MYH7B: variants seen among roughly 807,000 people sequenced by gnomAD.
The protein encoded by MYH7B is myosin-7B.
MYH7B carries 205 observed loss-of-function variants against 234.5 expected under a neutral mutation model. The observed-to-expected ratio is 0.87, with a 90% CI of 0.78 to 0.98. The LOEUF is 0.98. Ranked by LOEUF, MYH7B falls within the 50% of genes least tolerant of loss-of-function variation. MYH7B has a pLI of 0.00. For synonymous variants in MYH7B, 1,193 were observed against 1,105.0 expected (o/e 1.08, Z -1.58); for missense variants, 2,652 against 2,633.4 (o/e 1.01, Z -0.15).
At position 35,001,109 on chromosome 20, in the gene MYH7B, A is replaced by G. The variant is rs750264864; in HGVS notation, c.5426A>G (p.Gln1809Arg). 5.0e-6 allele frequency: 8 copies of G among 1,613,720 alleles called. No homozygotes were observed. The South Asian group carries it at 8.8e-5, about 18-fold the overall frequency. Residue 1809 changes from glutamine (Q) to arginine (R), a missense_variant, in exon 41 of 45, where the codon CAG becomes CGG. Physicochemically the swap from Gln to Arg is conservative, Grantham distance 43. Transcript: ENST00000262873. ...CAGGCCCGCCTTGAGGAGGCAGAAC[A>G]GGCCGCCCTCCGTGGCGGGAAGAAG...
intron 2 of MYH7B, among the ~76,000 whole-genome samples, chr20:34,964,204 A>G (rs1424001428): frequency 6.6e-6 from 1 of 151,914 alleles, no homozygotes; most frequent in Non-Finnish European, 1.5e-5. Flanking sequence ...AATTGCCCTC[A>G]TTCTGCATCC....
Position 34,993,389 on chromosome 20 carries a change from T to C in MYH7B, c.2363T>C (p.Leu788Pro), listed in dbSNP as rs369986434. 187 of 1,613,518 alleles carry C rather than the reference T, an allele frequency of 1.2e-4. No individual in the cohort carries two copies. The highest frequency in any genetic ancestry group is 1.4e-4 in the Non-Finnish European group (168 of 1,179,986). The change falls in exon 26 of 45, where the codon CTG becomes CCG. Residue 788 changes from leucine to proline, a missense_variant. Transcript: ENST00000262873. ...CTGGAAGAGCTCCGTGACCAGCGCCTGGCCAAGGTGCTGACGCTGCTGCAG... is the reference window on the plus strand; with the variant it reads ...CTGGAAGAGCTCCGTGACCAGCGCCCGGCCAAGGTGCTGACGCTGCTGCAG...
rs923807857 is a variant in MYH7B at position 34,962,083 on chromosome 20, C to A, written c.-222+3871C>A. Among the ~76,000 whole-genome samples the A allele has an allele frequency of 4.6e-5, 7 of 152,202 alleles. No individual in the cohort carries two copies. In the South Asian group the frequency reaches 1.2e-3, roughly 27 times the overall value. On this transcript the variant is annotated intron_variant, in intron 2 of 44. Transcript: ENST00000262873. Reference sequence around the variant, plus strand: ...TCTACAAAAAAATTTAAAAATTAGCCGGGCGTGGTGGCATGCGCCTGTCAT... The same window carrying A: ...TCTACAAAAAAATTTAAAAATTAGCAGGGCGTGGTGGCATGCGCCTGTCAT...
chr20:34,982,377 C>A, intron 9 of MYH7B, 82 bp from the exon 10 acceptor site: 1 of 1,191,652 alleles, frequency 8.4e-7, no homozygotes, highest in Non-Finnish European at 1.2e-6. Flanking sequence ...AGGTGGAGGG[C>A]TCTGCTTGAG....
At chr20:34,997,745 G>A in intron 32 of MYH7B, 105 bp downstream of exon 32, 3 of 1,392,822 alleles carry the variant, frequency 2.2e-6, no homozygotes, top group East Asian at 2.5e-5. Flanking sequence ...ACCTTATCCT[G>A]AGCCCTGACC....
chr20:34,962,731 G>A (rs1352584421), intron 2 of MYH7B, among the ~76,000 whole-genome samples: 1 of 152,164 alleles, frequency 6.6e-6, no homozygotes, highest in Non-Finnish European at 1.5e-5. Flanking sequence ...CGGTTCAAGG[G>A]ATCCTCCTGT....
exon 10 of MYH7B, chr20:34,982,488 A>G (rs2081955199): frequency 6.2e-7 from 1 of 1,613,852 alleles, no homozygotes; most frequent in African/African-American, 1.3e-5. Flanking sequence ...AAGACGGTTA[A>G]CACCAAGCGG....
chr20:35,000,285 T>A lies in MYH7B; in HGVS notation c.4782-8T>A. 1.3e-6 allele frequency: 2 copies of A among 1,559,630 alleles called. No homozygotes were observed. Among genetic ancestry groups the A allele is most frequent in the Non-Finnish European group, 1.7e-6 (2 of 1,160,080 alleles). ...GAGACCCCCTTTCATGCCACCCTCC[T>A]CCCATAGGCGCAACCACCAGCGAGC... On this transcript the variant is annotated splice_polypyrimidine_tract_variant and splice_region_variant and intron_variant, in intron 38 of 44. Coordinates refer to ENST00000262873, the Ensembl canonical transcript of MYH7B.
chr20:34,984,543 C>T (rs1370944973), intron 10 of MYH7B, 149 bp from the exon 11 acceptor site: 38 of 706,160 alleles, frequency 5.4e-5, no homozygotes, highest in Admixed American at 5.7e-5. Flanking sequence ...AGGGTCAGGC[C>T]GAGGGGCTGA....
exon 32 of MYH7B, chr20:34,997,439 G>A (rs1802528448): frequency 2.7e-6 from 4 of 1,473,876 alleles, no homozygotes; most frequent in Non-Finnish European, 3.6e-6. Context: ...GGAGGCTGCG[G>A]CGGGAGCTGG....
rs768728148 is a variant in MYH7B at position 34,998,911 on chromosome 20, G to A, written c.4186G>A (p.Ala1396Thr). 6.4e-5 allele frequency: 103 copies of A among 1,611,326 alleles called. No individual in the cohort carries two copies. Among genetic ancestry groups the A allele is most frequent in the Admixed American group, 8.3e-5 (5 of 59,938 alleles). The change falls in exon 35 of 45, where the codon GCC becomes ACC. Residue 1396 changes from alanine (A) to threonine (T), a missense_variant. Around this residue, in one of 3 missense-constraint regions of MYH7B, gnomAD observed 2,279 missense variants for 2,211.4 expected, o/e 1.03. Transcript: ENST00000262873. ...CCAGAGGACCGAGGAGCTGGAGGAG[G>A]CCAAGTGAGTGCTTTGCTGGCCAGG... is the stretch of plus-strand genomic sequence containing the variant.
In MYH7B at chr20:34,985,039, GGCTGAGGGCTGCC is replaced by G. The variant is rs767074698; in HGVS notation, c.742-26_742-14del. The G allele has an allele frequency of 5.6e-6, 9 of 1,613,854 alleles. No homozygotes were observed. The Admixed American group carries it at 1.5e-4, about 27-fold the overall frequency. ...GGGGACAGTGCTGGCTGTGCCCCTT[GGCTGAGGGCTGCC>G]CCTCTGCCCACAGGGCAAGTTCATC... On this transcript the variant is annotated splice_polypyrimidine_tract_variant and intron_variant, in intron 12 of 44. Transcript: ENST00000262873.
Position 34,990,875 on chromosome 20 carries a change from G to C in MYH7B, c.2065+50G>C. ...TGGGGCCGGGAGGCATCATGGGAAG[G>C]TGACAGGGCAGAGGCCGGGAGGCTG... On this transcript the variant is annotated intron_variant, in intron 23 of 44. Coordinates refer to ENST00000262873, the Ensembl canonical transcript of MYH7B. 3.1e-6 allele frequency: 5 copies of C among 1,605,288 alleles called. No individual in the cohort carries two copies. The South Asian group carries it at 5.5e-5, about 18-fold the overall frequency.
chr20:34,995,552 AAGG>A, exon 28 of MYH7B: 2 of 1,614,016 alleles, frequency 1.2e-6, no homozygotes, highest in Non-Finnish European at 8.5e-7. Context: ...CAAAGCTGAG[AAGG>A]AGAAGCAAGC....
rs770106361 is a variant in MYH7B at position 34,990,089 on chromosome 20, A to C, written c.1843A>C (p.Lys615Gln). The change falls in exon 21 of 45, where the codon AAG becomes CAG. Residue 615 changes from lysine (K) to glutamine (Q), a missense_variant. This residue lies in a region of MYH7B where 2,279 missense variants were observed against 2,211.4 expected (regional missense o/e 1.03). Coordinates refer to ENST00000262873, the Ensembl canonical transcript of MYH7B. ...TGAGACCGTGGTCCCCATCTTCCAG[A>C]AGTCACAGAATAGGCTCCTGGCGAC... 3.7e-6 allele frequency: 6 copies of C among 1,614,182 alleles called. No homozygotes were observed. The South Asian group carries it at 6.6e-5, about 18-fold the overall frequency.
intron 2 of MYH7B, among the ~76,000 whole-genome samples, chr20:34,958,707 G>A (rs567817791): frequency 6.6e-6 from 1 of 152,170 alleles, no homozygotes; most frequent in Non-Finnish European, 1.5e-5. Flanking sequence ...CTTGTGATCC[G>A]TCCGCCTCTG....
intron 14 of MYH7B, among the ~76,000 whole-genome samples, chr20:34,986,418 A>G (rs1053440795): frequency 6.6e-6 from 1 of 152,210 alleles, no homozygotes; most frequent in Admixed American, 6.5e-5. Context: ...CCAGGAGCCT[A>G]AGCCCTAAAC....
chr20:34,978,170 G>A, intron 5 of MYH7B, 74 bp downstream of exon 5: 2 of 1,569,294 alleles, frequency 1.3e-6, no homozygotes, highest in African/African-American at 1.3e-5. Flanking sequence ...AATTGGGAGG[G>A]GTGGCACCAG....
intron 3 of MYH7B, 41 bp downstream of exon 3, chr20:34,975,540 T>C (rs1352852647): frequency 1.7e-5 from 12 of 713,812 alleles, no homozygotes; most frequent in Non-Finnish European, 2.9e-5. Flanking sequence ...TTGAGAAAAT[T>C]CATCAAACTT....
Sources: allele counts gnomAD v4.1 joint callset (sites outside exome capture counted in the v4.1 genomes callset), GRCh38; gene constraint gnomAD v4.1.1; regional missense constraint gnomAD v4.1.1; transcripts MANE v1.5; gene names NCBI Gene and HGNC (gene_info 2026-07-23, HGNC 2026-07-21).